The following CSGALNACT1 variants were observed in gnomAD, a reference collection of about 807,000 sequenced individuals.
The protein encoded by CSGALNACT1 is chondroitin sulfate N-acetylgalactosaminyltransferase 1.
In CSGALNACT1, 52 loss-of-function variants were observed where a neutral mutation model predicts 51.0. The ratio of observed to expected loss-of-function variants is 1.02; its 90% confidence interval spans 0.82 to 1.29. The LOEUF (loss-of-function observed/expected upper bound fraction) is 1.29, where lower values mean the gene tolerates loss of function less well. Ranked by LOEUF, CSGALNACT1 falls within the 50% of genes most tolerant of loss-of-function variation. The pLI is 0.00. For missense variants in CSGALNACT1, 935 were observed against 679.2 expected, an observed-to-expected ratio of 1.38 and a Z score of -4.19; for synonymous variants, 341 against 254.4, an observed-to-expected ratio of 1.34 and a Z score of -3.24.
chr8:19,418,628 C>A (rs376108807), intron 8 of CSGALNACT1, 28 bp downstream of exon 7: 4 of 1,471,370 alleles, frequency 2.7e-6, no homozygotes, highest in Non-Finnish European at 2.9e-6. Flanking sequence ...CAGAGCCACA[C>A]AGAGCCATCT....
At chr8:19,755,936 C>G (rs2065345145) in intron 1 of CSGALNACT1, among the ~76,000 whole-genome samples, 1 of 152,178 alleles carries the variant, frequency 6.6e-6, no homozygotes, top group African/African-American at 2.4e-5. Context: ...CTCTTGCTTT[C>G]TAGGAATTGA....
intron 3 of CSGALNACT1, among the ~76,000 whole-genome samples, chr8:19,539,907 G>A (rs933046356): frequency 6.6e-6 from 1 of 152,158 alleles, no homozygotes; most frequent in Non-Finnish European, 1.5e-5. Flanking sequence ...AGGTAGCCTG[G>A]AAAGAAAGTT....
chr8:19,458,436 G>T (rs1458855564), exon 5 of CSGALNACT1: 1 of 1,613,904 alleles, frequency 6.2e-7, no homozygotes, highest in Non-Finnish European at 8.5e-7. Flanking sequence ...CTGAAATTCT[G>T]CATGAACTGC....
intron 3 of CSGALNACT1, among the ~76,000 whole-genome samples, chr8:19,533,606 G>T (rs140693760): frequency 2.6e-5 from 4 of 152,098 alleles, no homozygotes; most frequent in African/African-American, 4.8e-5. Flanking sequence ...GAATATTTTT[G>T]ATCATATCTT....
At chr8:19,504,516 G>A (rs1309405131) in intron 4 of CSGALNACT1, among the ~76,000 whole-genome samples, 2 of 152,194 alleles carry the variant, frequency 1.3e-5, no homozygotes, top group African/African-American at 4.8e-5. Flanking sequence ...AACTGGACAA[G>A]GCTGCTGTCT....
At chr8:19,685,602 G>C (rs550353048), upstream of CSGALNACT1, among the ~76,000 whole-genome samples, 2 of 152,348 alleles carry the variant, frequency 1.3e-5, no homozygotes, top group East Asian at 3.9e-4. Flanking sequence ...CGGTTTCAAA[G>C]TACAGTGCCC....
At chr8:19,696,924 G>A (rs891770265) in intron 1 of CSGALNACT1, among the ~76,000 whole-genome samples, 1 of 152,182 alleles carries the variant, frequency 6.6e-6, no homozygotes, top group Non-Finnish European at 1.5e-5. Flanking sequence ...GCATGCCAAT[G>A]AATACTAGCA....
intron 1 of CSGALNACT1, among the ~76,000 whole-genome samples, chr8:19,623,311 G>A (rs1316393087): frequency 6.6e-6 from 1 of 152,132 alleles, no homozygotes; most frequent in Non-Finnish European, 1.5e-5. Context: ...CTTAATCATA[G>A]ATATTTTAAT....
rs1033537331 is a variant in CSGALNACT1, at chr8:19,714,335, G to GT, written c.-297+43514dup. Among the ~76,000 whole-genome samples the GT allele has an allele frequency of 3.6e-3, 505 of 138,814 alleles. 5 individuals are homozygous for GT. The highest frequency in any genetic ancestry group is 9.9e-3 in the African/African-American group (391 of 39,426). The allele number at this position is 138,814 out of a possible 152,430, so 91.1% of individuals were successfully genotyped here. ...GTTGGAGTATAACATACCTGGGTAT[G>GT]TTTTTTTTTTGTTGTAATTATCCTG... is the stretch of plus-strand genomic sequence containing the variant. On this transcript the variant is annotated intron_variant, in intron 1 of 1. Transcript: ENST00000517494.
chr8:19,410,173 G>C (rs1320191708), intron 8 of CSGALNACT1, among the ~76,000 whole-genome samples: 5 of 152,158 alleles, frequency 3.3e-5, no homozygotes, highest in African/African-American at 7.2e-5. Flanking sequence ...ACTGCTCAAG[G>C]AAAGTAGAAC....
chr8:19,501,246 C>CAAAAAAAAAAA (rs35069773), intron 4 of CSGALNACT1, among the ~76,000 whole-genome samples: 1 of 83,626 alleles, frequency 1.2e-5, no homozygotes, highest in Non-Finnish European at 2.3e-5. Flanking sequence ...GACTCCGTCT[C>CAAAAAAAAAAA]AAAAAAAAAA....
intron 1 of CSGALNACT1, among the ~76,000 whole-genome samples, chr8:19,740,196 T>C (rs1317752262): frequency 2.0e-5 from 3 of 152,206 alleles, no homozygotes; most frequent in Non-Finnish European, 4.4e-5. Flanking sequence ...GGGCCACATC[T>C]GGTCCACAGG....
Position 19,757,010 on chromosome 8 carries a change from C to T in CSGALNACT1, c.-297+840G>A, listed in dbSNP as rs1208052049. Among the ~76,000 whole-genome samples the T allele has an allele frequency of 6.6e-6, 1 of 150,922 alleles. No individual in the cohort carries two copies. Among genetic ancestry groups the T allele is most frequent in the Non-Finnish European group, 1.5e-5 (1 of 67,644 alleles). ...GCCCGTGCCCTGGGCCCCCGGCGGGCAGCGGCGGAGGGAGGCCAGGCGCGG... is the reference window on the plus strand; with the variant it reads ...GCCCGTGCCCTGGGCCCCCGGCGGGTAGCGGCGGAGGGAGGCCAGGCGCGG... On this transcript the variant is annotated intron_variant, in intron 1 of 1. Coordinates refer to the CSGALNACT1 transcript ENST00000517494. This position sits in a 1 kb window ranked among gnomAD's most constrained non-coding sequence, Gnocchi z 4.0.
At chr8:19,423,944 C>T (rs2058368078) in intron 6 of CSGALNACT1, among the ~76,000 whole-genome samples, 1 of 152,164 alleles carries the variant, frequency 6.6e-6, no homozygotes, top group Non-Finnish European at 1.5e-5. Flanking sequence ...CCATGTGGAC[C>T]ATATGGGGGC....
At chr8:19,478,081 C>T (rs1170017280) in intron 4 of CSGALNACT1, among the ~76,000 whole-genome samples, 1 of 152,128 alleles carries the variant, frequency 6.6e-6, no homozygotes, top group African/African-American at 2.4e-5. Flanking sequence ...CAGTGTGCAA[C>T]TGTGGTTACA....
intron 1 of CSGALNACT1, among the ~76,000 whole-genome samples, chr8:19,693,107 C>G (rs1237710992): frequency 2.0e-5 from 3 of 152,160 alleles, no homozygotes; most frequent in Admixed American, 2.0e-4. Flanking sequence ...TGACTCATTC[C>G]CTACCCTTCA....
intron 4 of CSGALNACT1, among the ~76,000 whole-genome samples, chr8:19,472,979 A>T (rs952679279): frequency 6.6e-6 from 1 of 152,224 alleles, no homozygotes; most frequent in Admixed American, 6.5e-5. Flanking sequence ...TGTTCTTACT[A>T]TTATTATCAT....
intron 5 of CSGALNACT1, among the ~76,000 whole-genome samples, chr8:19,440,652 T>A (rs2061170483): frequency 6.6e-6 from 1 of 152,102 alleles, no homozygotes; most frequent in Admixed American, 6.6e-5. Flanking sequence ...CTTTGAAAAC[T>A]GGCACAAGAC....
upstream of CSGALNACT1, among the ~76,000 whole-genome samples, chr8:19,606,878 G>T (rs760328605): frequency 6.6e-6 from 1 of 152,080 alleles, no homozygotes; most frequent in South Asian, 2.1e-4. Context: ...AAGTGTAGCC[G>T]GGCACGGTGG....
Sources: gnomAD v4.1 joint callset for allele counts (sites outside exome capture counted in the v4.1 genomes callset) on GRCh38, gnomAD v4.1.1 for gene constraint, Gnocchi (gnomAD v3.1) non-coding constraint, MANE v1.5 for transcripts, NCBI Gene and HGNC (gene_info 2026-07-23, HGNC 2026-07-21) for gene names.